GC: variants seen among roughly 807,000 people sequenced by gnomAD.
GC encodes the protein GC vitamin D binding protein, also known as vitamin D-binding protein.
Under a neutral mutation model 56.7 loss-of-function variants are expected in GC, and 43 were observed. The ratio of observed to expected loss-of-function variants is 0.76; its 90% CI spans 0.59 to 0.98. GC has a LOEUF of 0.98. GC is among the 50% of genes least tolerant of loss of function. The pLI is 0.00. For synonymous variants in GC, 216 were observed against 202.7 expected (o/e 1.07, Z -0.56); for missense variants, 529 against 545.9 (o/e 0.97, Z 0.31).
At chr4:71,791,568 C>A (rs1247203928) in intron 1 of GC, among the ~76,000 whole-genome samples, 2 of 152,018 alleles carry the variant, frequency 1.3e-5, no homozygotes, top group Non-Finnish European at 2.9e-5. Flanking sequence ...CTTAAAATAT[C>A]TCTACATTTA....
At chr4:71,768,491 C>T (rs7697744) in intron 2 of GC, 58 bp from the exon 3 acceptor site, 22 of 1,464,198 alleles carry the variant, frequency 1.5e-5, no homozygotes, top group African/African-American at 8.5e-5. Flanking sequence ...TTTTTTGAGA[C>T]GGAGTCTCGC....
intron 1 of GC, among the ~76,000 whole-genome samples, chr4:71,798,557 T>C (rs557905758): frequency 6.6e-6 from 1 of 152,332 alleles, no homozygotes; most frequent in African/African-American, 2.4e-5. Context: ...CTTAGGGTGG[T>C]TGTGTGAAGG....
intron 11 of GC, 106 bp from the exon 12 acceptor site, chr4:71,746,311 G>A (rs552581143): frequency 2.6e-5 from 15 of 574,116 alleles, no homozygotes; most frequent in Admixed American, 1.4e-4. Flanking sequence ...TTAGGGGAGC[G>A]GATTCTTGCC....
chr4:71,777,985 G>A (rs1440713522), intron 1 of GC, among the ~76,000 whole-genome samples: 1 of 151,298 alleles, frequency 6.6e-6, no homozygotes, highest in Admixed American at 6.6e-5. Context: ...GTATACCTAT[G>A]TAACAAACCT....
intron 12 of GC, among the ~76,000 whole-genome samples, chr4:71,744,286 C>CA (rs748337307): frequency 0.17 from 14,480 of 83,478 alleles, 1,971 homozygotes; most frequent in African/African-American, 0.37. Context: ...ACTAAAAATA[C>CA]AAAAAAAAAA....
upstream of GC, among the ~76,000 whole-genome samples, chr4:71,804,454 A>G (rs143387807): frequency 3.3e-3 from 508 of 152,030 alleles, 3 homozygotes; most frequent in African/African-American, 0.011. Context: ...TAACAGACGG[A>G]CCCCTCCCCT....
At chr4:71,783,018 A>G (rs1025732266) in intron 1 of GC, among the ~76,000 whole-genome samples, 1 of 151,824 alleles carries the variant, frequency 6.6e-6, no homozygotes, top group Non-Finnish European at 1.5e-5. Flanking sequence ...AAGTAAATGT[A>G]AGAAGAAGAA....
At chr4:71,790,772 T>A (rs1232696049) in intron 1 of GC, among the ~76,000 whole-genome samples, 6 of 151,744 alleles carry the variant, frequency 4.0e-5, no homozygotes, top group Non-Finnish European at 7.4e-5. Context: ...AATTTAATTT[T>A]ATTATTATTA....
chr4:71,748,410 T>A (rs1396300205), intron 11 of GC, among the ~76,000 whole-genome samples: 2 of 152,004 alleles, frequency 1.3e-5, no homozygotes, highest in Non-Finnish European at 2.9e-5. Context: ...TTTGTATTTG[T>A]CTCTGTGTTT....
At chr4:71,766,209 C>T (rs1379610632) in intron 3 of GC, among the ~76,000 whole-genome samples, 2 of 152,182 alleles carry the variant, frequency 1.3e-5, no homozygotes, top group East Asian at 3.9e-4. Flanking sequence ...ATCAGAATTA[C>T]TCATAGAGTG....
chr4:71,765,481 C>T lies in GC; in HGVS notation c.424G>A (p.Asp142Asn). 2 of 1,614,004 alleles carry T rather than the reference C, an allele frequency of 1.2e-6. No homozygotes were observed. Among genetic ancestry groups the T allele is most frequent in the East Asian group, 2.2e-5 (1 of 44,874 alleles). ...TTCCTGAACGCCTCACAGATTTCAT[C>T]ATTTGTGGGTTCCACGTAGGTAGGG... is the stretch of plus-strand genomic sequence containing the variant. ...EFPTYVEPTNDEICEAFRKDP... is the reference protein window; with the variant it reads ...EFPTYVEPTNNEICEAFRKDP... The change falls in exon 4 of 13, where the codon GAT becomes AAT. Residue 142 changes from aspartate to asparagine, a missense_variant. Coordinates refer to ENST00000273951, the MANE Select transcript of GC (RefSeq NM_000583.4).
At chr4:71,764,087 T>G (rs1742077574) in intron 4 of GC, 151 bp from the exon 5 acceptor site, 1 of 606,294 alleles carries the variant, frequency 1.6e-6, no homozygotes, top group Non-Finnish European at 2.9e-6. Context: ...CCTCAAGCGA[T>G]CCTCCTGCTT....
At chr4:71,793,674 C>T (rs568986309) in intron 1 of GC, among the ~76,000 whole-genome samples, 24 of 152,248 alleles carry the variant, frequency 1.6e-4, no homozygotes, top group East Asian at 1.5e-3. Flanking sequence ...TTGCCCCAAC[C>T]GGAACTTCCA....
At chr4:71,771,909 G>A (rs1742356588) in intron 1 of GC, among the ~76,000 whole-genome samples, 1 of 152,136 alleles carries the variant, frequency 6.6e-6, no homozygotes, top group Non-Finnish European at 1.5e-5. Context: ...GTCAAGAGTT[G>A]TTTTTAGTTT....
chr4:71,752,497 T>C (rs1301357752), intron 11 of GC, 21 bp downstream of exon 11: 1 of 1,601,560 alleles, frequency 6.2e-7, no homozygotes, highest in African/African-American at 1.3e-5. Flanking sequence ...CCATGTTAAG[T>C]GGAGGGTTAC....
At chr4:71,802,378 T>C (rs1259981101) in intron 1 of GC, among the ~76,000 whole-genome samples, 1 of 152,192 alleles carries the variant, frequency 6.6e-6, no homozygotes, top group Non-Finnish European at 1.5e-5. Flanking sequence ...CACAGAGATA[T>C]GTCCGAACTG....
In GC at chr4:71,796,261, T is replaced by C. The variant is rs111854874; in HGVS notation, c.21+7665A>G. 1.7e-4 allele frequency among the ~76,000 whole-genome samples: 26 copies of C among 152,314 alleles called. 2 individuals carry two copies. The highest frequency in any genetic ancestry group is 6.3e-4 in the African/African-American group (26 of 41,578). On this transcript the variant is annotated intron_variant, in intron 1 of 13. Coordinates refer to the GC transcript ENST00000504199. Reference sequence around the variant, plus strand: ...GGATAATATCCTTAAGAGTGTTTTCTAACTTGGTTCCATTCTCCCCGTCAC... The same window carrying C: ...GGATAATATCCTTAAGAGTGTTTTCCAACTTGGTTCCATTCTCCCCGTCAC...
intron 1 of GC, among the ~76,000 whole-genome samples, chr4:71,793,966 T>C (rs1182055073): frequency 6.6e-6 from 1 of 152,264 alleles, no homozygotes; most frequent in Non-Finnish European, 1.5e-5. Context: ...GTTTATTGAT[T>C]TGCTTATGTT....
In GC at chr4:71,756,882, A is replaced by T. The variant is rs986796507; in HGVS notation, c.864T>A (p.Asn288Lys). 1.9e-6 allele frequency: 3 copies of T among 1,613,454 alleles called. No individual in the cohort carries two copies. The highest frequency in any genetic ancestry group is 4.5e-5 in the East Asian group (2 of 44,868). ...CAAACTTAGAATTCTTTGTGGATAA[A>T]TTGTCACAGAGTTTTACTGTGTGTT... ...LPEHTVKLCD[N>K]LSTKNSKFED... is the part of the protein sequence containing the mutation. Residue 288 changes from asparagine to lysine, a missense_variant, in exon 8 of 13, where the codon AAT (asparagine) becomes AAA (lysine). By Grantham distance (94) the Asn-to-Lys change is moderately conservative. Transcript: ENST00000273951.
Sources: gnomAD v4.1 joint callset for allele counts (sites outside exome capture counted in the v4.1 genomes callset) on GRCh38, gnomAD v4.1.1 for gene constraint, MANE v1.5 for transcripts, NCBI Gene and HGNC (gene_info 2026-07-23, HGNC 2026-07-21) for gene names.